EXT2: variants seen among roughly 807,000 people sequenced by gnomAD.
The protein encoded by EXT2 is exostosin-2.
Under a neutral mutation model 81.6 loss-of-function variants are expected in EXT2, and 53 were observed. The observed-to-expected ratio is 0.65, with a 90% CI of 0.52 to 0.82. EXT2 has a LOEUF of 0.82. Among genes scored for constraint, EXT2 ranks in the 40% least tolerant of loss-of-function variants. The pLI, the probability that EXT2 is intolerant of heterozygous loss-of-function variation, is 0.00. For missense variants in EXT2, 774 were observed against 910.2 expected (o/e 0.85, Z 1.93); for synonymous variants, 320 against 340.0 (o/e 0.94, Z 0.65).
chr11:44,159,295 C>T (rs550141009), intron 7 of EXT2, among the ~76,000 whole-genome samples: 1 of 151,694 alleles, frequency 6.6e-6, no homozygotes, highest in Non-Finnish European at 1.5e-5. Flanking sequence ...GTATTTATAT[C>T]TTTTGTAGTT....
intron 1 of EXT2, 45 bp downstream of exon 1, chr11:44,095,897 G>C (rs944037934): frequency 5.6e-4 from 133 of 239,214 alleles, no homozygotes; most frequent in Middle Eastern, 3.0e-3. Flanking sequence ...GCGCTGAAGC[G>C]AGGGCTCGGG....
chr11:44,223,651 CTTTTTTTT>C (rs869143629), intron 10 of EXT2, among the ~76,000 whole-genome samples: 3 of 138,742 alleles, frequency 2.2e-5, no homozygotes, highest in Non-Finnish European at 4.7e-5. Context: ...AGTTGTGTGT[CTTTTTTTT>C]TTTTTTTTGT....
At chr11:44,100,173 T>C (rs1408914667) in intron 1 of EXT2, among the ~76,000 whole-genome samples, 1 of 152,218 alleles carries the variant, frequency 6.6e-6, no homozygotes, top group African/African-American at 2.4e-5. Context: ...TTCTGACTCC[T>C]CTCCTTACTT....
chr11:44,191,156 A>G (rs1955386397), intron 8 of EXT2, among the ~76,000 whole-genome samples: 2 of 152,222 alleles, frequency 1.3e-5, no homozygotes, highest in Admixed American at 6.5e-5. Flanking sequence ...GTGACCTGAC[A>G]GTTCTCGTGG....
intron 8 of EXT2, among the ~76,000 whole-genome samples, chr11:44,179,622 C>T (rs1398521210): frequency 6.6e-6 from 1 of 152,178 alleles, no homozygotes; most frequent in Non-Finnish European, 1.5e-5. Context: ...TGTAATTCTC[C>T]CTTGAGGTCT....
At position 44,164,483 on chromosome 11, in the gene EXT2, A is replaced by G. The variant is rs185508925; in HGVS notation, c.1174-7128A>G. On this transcript the variant is annotated intron_variant, in intron 7 of 13. Coordinates refer to ENST00000533608, the MANE Select transcript of EXT2 (RefSeq NM_207122.2). ...TATGCCACACTGGCTTCTCTTAAATACTTATTATTGCTAATCCCATTGCCT... is the reference window on the plus strand; with the variant it reads ...TATGCCACACTGGCTTCTCTTAAATGCTTATTATTGCTAATCCCATTGCCT... 3.9e-5 allele frequency among the ~76,000 whole-genome samples: 6 copies of G among 152,290 alleles called. No homozygotes were observed. In the East Asian group the frequency reaches 1.2e-3, roughly 29 times the overall value.
intron 8 of EXT2, among the ~76,000 whole-genome samples, chr11:44,184,260 A>G (rs938514263): frequency 2.0e-5 from 3 of 152,200 alleles, no homozygotes; most frequent in African/African-American, 2.4e-5. Context: ...ATGCTGTTCC[A>G]GGGAATTTTA....
At chr11:44,226,492 T>C (rs992918796) in intron 10 of EXT2, among the ~76,000 whole-genome samples, 2 of 152,312 alleles carry the variant, frequency 1.3e-5, no homozygotes, top group Middle Eastern at 6.8e-3. Context: ...TCAAAGCACA[T>C]CCTTGACAAA....
chr11:44,156,435 G>T (rs2135094966), intron 7 of EXT2, among the ~76,000 whole-genome samples: 1 of 151,564 alleles, frequency 6.6e-6, no homozygotes, highest in Non-Finnish European at 1.5e-5. Context: ...GTTTTCTTTT[G>T]TCTCCTCTCT....
chr11:44,167,964 C>G (rs922460359), intron 7 of EXT2, among the ~76,000 whole-genome samples: 1 of 149,036 alleles, frequency 6.7e-6, no homozygotes, highest in Non-Finnish European at 1.5e-5. Context: ...TCCCTCCCCC[C>G]TCCCCACTCC....
At chr11:44,186,994 C>CTTCT (rs1955321016) in intron 8 of EXT2, among the ~76,000 whole-genome samples, 1 of 109,562 alleles carries the variant, frequency 9.1e-6, no homozygotes, top group South Asian at 3.3e-4. Context: ...TCCTTCCTTC[C>CTTCT]TTCCTTCCTT....
intron 10 of EXT2, among the ~76,000 whole-genome samples, chr11:44,230,109 G>A (rs955108551): frequency 6.6e-6 from 1 of 152,180 alleles, no homozygotes; most frequent in Non-Finnish European, 1.5e-5. Context: ...AGGAAGGTTC[G>A]AGAAGCCCTC....
At chr11:44,170,127 T>C (rs1226121144) in intron 7 of EXT2, among the ~76,000 whole-genome samples, 1 of 152,122 alleles carries the variant, frequency 6.6e-6, no homozygotes, top group Non-Finnish European at 1.5e-5. Flanking sequence ...TTTAAATAAA[T>C]TGCAAAGTAT....
At chr11:44,155,375 T>C (rs947801339) in intron 7 of EXT2, among the ~76,000 whole-genome samples, 1 of 152,148 alleles carries the variant, frequency 6.6e-6, no homozygotes, top group Non-Finnish European at 1.5e-5. Flanking sequence ...TTCCTGGTTC[T>C]TTTGTGATCT....
intron 7 of EXT2, among the ~76,000 whole-genome samples, chr11:44,133,430 T>C (rs916304218): frequency 2.0e-5 from 3 of 152,178 alleles, no homozygotes. Context: ...TTGGAGCCCC[T>C]AGATGATGTA....
intron 8 of EXT2, among the ~76,000 whole-genome samples, chr11:44,196,319 T>G (rs1955455701): frequency 6.6e-6 from 1 of 152,216 alleles, no homozygotes. Context: ...TTTTGTCTTT[T>G]TAAAAAATTC....
intron 7 of EXT2, among the ~76,000 whole-genome samples, chr11:44,133,245 C>T (rs1188194053): frequency 6.6e-6 from 1 of 152,106 alleles, no homozygotes; most frequent in African/African-American, 2.4e-5. Flanking sequence ...TTTCTGTTTA[C>T]CTTCTATTGA....
intron 10 of EXT2, among the ~76,000 whole-genome samples, chr11:44,219,998 T>C (rs765202456): frequency 6.6e-6 from 1 of 152,206 alleles, no homozygotes; most frequent in Non-Finnish European, 1.5e-5. Context: ...ACTGGGAAGA[T>C]TAGGAATTAA....
chr11:44,132,409 G>A (rs930377419), intron 7 of EXT2, among the ~76,000 whole-genome samples: 22 of 152,260 alleles, frequency 1.4e-4, no homozygotes, highest in Non-Finnish European at 2.6e-4. Context: ...GGTTATTTGG[G>A]TTCAAAGAGA....
Sources: allele counts gnomAD v4.1 joint callset (sites outside exome capture counted in the v4.1 genomes callset), GRCh38; gene constraint gnomAD v4.1.1; transcripts MANE v1.5; gene names NCBI Gene and HGNC (gene_info 2026-07-23, HGNC 2026-07-21).